The following RAI1 variants were observed in gnomAD, a reference collection of about 807,000 sequenced individuals.
RAI1 encodes the protein retinoic acid induced 1.
Under a neutral mutation model 123.8 loss-of-function variants are expected in RAI1, and 9 were observed. The ratio of observed to expected loss-of-function variants is 0.07; its 90% CI spans 0.04 to 0.13. RAI1 has a LOEUF of 0.13. Ranked by LOEUF, RAI1 falls within the 10% of genes least tolerant of loss-of-function variation. RAI1 has a pLI of 1.00. For synonymous variants in RAI1, 1,231 were observed against 1,127.3 expected, an observed-to-expected ratio of 1.09 and a Z score of -1.84; for missense variants, 2,256 against 2,545.8, an observed-to-expected ratio of 0.89 and a Z score of 2.45.
intron 2 of RAI1, among the ~76,000 whole-genome samples, chr17:17,732,294 G>C (rs1916296564): frequency 6.6e-6 from 1 of 152,216 alleles, no homozygotes; most frequent in Non-Finnish European, 1.5e-5. Context: ...AACTCAGAGA[G>C]AGGCTGTCTG....
At chr17:17,690,329 G>A (rs577412954) in intron 1 of RAI1, among the ~76,000 whole-genome samples, 2 of 151,528 alleles carry the variant, frequency 1.3e-5, no homozygotes, top group Non-Finnish European at 2.9e-5. Context: ...AGAGGTGGCA[G>A]TGAGCCAAGA....
In RAI1 at chr17:17,792,916, C is replaced by T; in HGVS notation, c.-16-17C>T. On this transcript the variant is annotated splice_polypyrimidine_tract_variant and intron_variant, in intron 2 of 5. Coordinates refer to ENST00000353383, the MANE Select transcript of RAI1 (RefSeq NM_030665.4). ...CCCTCCTTCCCTCCCTCCCTCCCTT[C>T]CTTTTTCTTTTCACAGATAACCAGC... 1 of 628,514 alleles carries T rather than the reference C, an allele frequency of 1.6e-6. No individual in the cohort carries two copies. Among genetic ancestry groups the T allele is most frequent in the Non-Finnish European group, 2.8e-6 (1 of 354,626 alleles). 38.9% of individuals were successfully genotyped at this position (628,514 alleles called of 1,614,324 possible).
chr17:17,792,911 C>T (rs2032073613), intron 2 of RAI1, 22 bp from the exon 3 acceptor site: 8 of 1,263,452 alleles, frequency 6.3e-6, no homozygotes, highest in East Asian at 2.4e-5. Context: ...CTCCCTCCCT[C>T]CCTTCCTTTT....
In RAI1 at chr17:17,809,706, C is replaced by T. The variant is rs998183393; in HGVS notation, c.5710-264C>T. 6.6e-6 allele frequency among the ~76,000 whole-genome samples: 1 copy of T among 152,132 alleles called. No individual in the cohort carries two copies. Among genetic ancestry groups the T allele is most frequent in the South Asian group, 2.1e-4 (1 of 4,836 alleles). On this transcript the variant is annotated intron_variant, in intron 5 of 5. Transcript: ENST00000353383. The surrounding 1 kb of genome is among the most constrained non-coding windows in gnomAD (Gnocchi z 4.9). Reference sequence around the variant, plus strand: ...GGCTGGAGGGCGTCCCTGGGACGGCCTCCCTGCAGCTCCCCAAGATAGGTG... The same window carrying T: ...GGCTGGAGGGCGTCCCTGGGACGGCTTCCCTGCAGCTCCCCAAGATAGGTG...
chr17:17,800,065 C>A lies in RAI1; in HGVS notation c.5565+1552C>A, dbSNP rs1225107606. Among the ~76,000 whole-genome samples, 2 of 152,200 alleles carry A rather than the reference C, an allele frequency of 1.3e-5. No homozygotes were observed. The highest frequency in any genetic ancestry group is 3.9e-4 in the East Asian group (2 of 5,188). On this transcript the variant is annotated intron_variant, in intron 3 of 5. Transcript: ENST00000353383. This position sits in a 1 kb window ranked among gnomAD's most constrained non-coding sequence, Gnocchi z 4.7. ...AAGGCTGGCCCCGACAGGACTCCTG[C>A]AGGTTCCTGGTGCCGCGGGCCTTGC...
chr17:17,742,280 C>T (rs1040915388), intron 2 of RAI1, among the ~76,000 whole-genome samples: 13 of 152,220 alleles, frequency 8.5e-5, no homozygotes, highest in African/African-American at 2.9e-4. Flanking sequence ...GTTCCAGGCT[C>T]ACCACAGACA....
At chr17:17,790,556 A>T (rs1598084502) in intron 2 of RAI1, among the ~76,000 whole-genome samples, 1 of 151,194 alleles carries the variant, frequency 6.6e-6, no homozygotes, top group Non-Finnish European at 1.5e-5. Context: ...TGGTAATAGC[A>T]CCCCCTCACT....
chr17:17,802,897 G>A (rs976006247), intron 3 of RAI1, among the ~76,000 whole-genome samples: 4 of 151,670 alleles, frequency 2.6e-5, no homozygotes, highest in African/African-American at 7.3e-5. Flanking sequence ...CAGCCTGGCC[G>A]ACACAGTGAA....
Position 17,810,508 on chromosome 17 carries a change from G to T in RAI1, c.*527G>T. On this transcript the variant is annotated 3_prime_UTR_variant, in exon 6 of 6. Transcript: ENST00000353383. This position sits in a 1 kb window ranked among gnomAD's most constrained non-coding sequence, Gnocchi z 4.6. ...TCCGTGGACTAGGCGGGGGAGAAAG[G>T]AAGCCTTTCTGAGAGCGGGCTAGGC... is the stretch of plus-strand genomic sequence containing the variant. 3.7e-6 allele frequency: 1 copy of T among 267,902 alleles called. No homozygotes were observed. Among genetic ancestry groups the T allele is most frequent in the Non-Finnish European group, 7.5e-6 (1 of 133,938 alleles). The allele number at this position is 267,902 out of a possible 1,614,324, so 16.6% of individuals were successfully genotyped here. A position where few individuals can be genotyped will look rare whatever the true frequency, so the allele number is the denominator to read the frequency against.
chr17:17,788,004 C>G (rs2031885933), intron 2 of RAI1, among the ~76,000 whole-genome samples: 1 of 152,194 alleles, frequency 6.6e-6, no homozygotes, highest in Admixed American at 6.5e-5. Flanking sequence ...CAGGGCTCCC[C>G]CAACCTCAAC....
At chr17:17,786,495 A>G (rs2031831823) in intron 2 of RAI1, among the ~76,000 whole-genome samples, 1 of 152,152 alleles carries the variant, frequency 6.6e-6, no homozygotes, top group Non-Finnish European at 1.5e-5. Flanking sequence ...TGGGGGTGCA[A>G]GGGGTGCTGT....
intron 1 of RAI1, among the ~76,000 whole-genome samples, chr17:17,704,053 C>T (rs575700724): frequency 5.3e-5 from 8 of 152,286 alleles, no homozygotes; most frequent in South Asian, 4.1e-4. Flanking sequence ...GCAGTCAGGG[C>T]GGCAGGCTTG....
In RAI1 at chr17:17,797,276, C is replaced by A; in HGVS notation, c.4328C>A (p.Ala1443Glu). 1 of 1,613,050 alleles carries A rather than the reference C, an allele frequency of 6.2e-7. No individual in the cohort carries two copies. The highest frequency in any genetic ancestry group is 8.5e-7 in the Non-Finnish European group (1 of 1,180,024). Reference sequence around the variant, plus strand: ...CTGCAGCCTGGGGGGACTGCCCTGGCGCCTAAGAAGAGGAGCCGGAAAGGC... The same window carrying A: ...CTGCAGCCTGGGGGGACTGCCCTGGAGCCTAAGAAGAGGAGCCGGAAAGGC... ...EALQPGGTAL[A>E]PKKRSRKGRA... Residue 1443 changes from alanine to glutamate, a missense_variant, in exon 3 of 6, where the codon GCG becomes GAG. Physicochemically the swap from Ala to Glu is moderately radical, Grantham distance 107. Coordinates refer to ENST00000353383, the MANE Select transcript of RAI1 (RefSeq NM_030665.4).
chr17:17,809,403 C>A lies in RAI1; in HGVS notation c.5673C>A (p.Ile1891=). Residue 1891 remains isoleucine, a synonymous_variant, in exon 5 of 6, where the codon ATC becomes ATA. Coordinates refer to ENST00000353383, the MANE Select transcript of RAI1 (RefSeq NM_030665.4). The surrounding 1 kb of genome is among the most constrained non-coding windows in gnomAD (Gnocchi z 4.9). ...PCASDAGCIF[I]EENFSLKCPK... is the part of the protein sequence containing the mutation. ...CTTTGGTCACAGGTTGCATATTCAT[C>A]GAAGAGAACTTTTCTTTGAAATGTC... 1 of 1,609,520 alleles carries A rather than the reference C, an allele frequency of 6.2e-7. No homozygotes were observed. The highest frequency in any genetic ancestry group is 8.5e-7 in the Non-Finnish European group (1 of 1,175,966).
rs573094837 is a variant in RAI1 at position 17,727,229 on chromosome 17, C to G, written c.-17+3070C>G. On this transcript the variant is annotated intron_variant, in intron 2 of 5. Coordinates refer to ENST00000353383, the MANE Select transcript of RAI1 (RefSeq NM_030665.4). ...ACCTTCCATCAGAGCCGAAAAGAGC[C>G]TTGGCAATGAATCACCTATCTGACC... Among the ~76,000 whole-genome samples the G allele has an allele frequency of 2.1e-3, 318 of 152,326 alleles. 5 individuals are homozygous for G. The South Asian group carries it at 0.044, about 21-fold the overall frequency.
intron 2 of RAI1, among the ~76,000 whole-genome samples, chr17:17,735,520 AT>A (rs905728024): frequency 6.9e-6 from 1 of 145,396 alleles, no homozygotes. Context: ...CGCCCGGCTG[AT>A]TTTTTTTGTA....
At chr17:17,719,814 T>C (rs1237175872) in intron 1 of RAI1, among the ~76,000 whole-genome samples, 3 of 152,176 alleles carry the variant, frequency 2.0e-5, no homozygotes, top group Non-Finnish European at 2.9e-5. Flanking sequence ...TGGACCTCAG[T>C]GATCCAGTCT....
At chr17:17,766,845 G>A (rs528573324) in intron 2 of RAI1, among the ~76,000 whole-genome samples, 3 of 152,340 alleles carry the variant, frequency 2.0e-5, no homozygotes, top group East Asian at 1.9e-4. Flanking sequence ...AGAGCACTGC[G>A]GGTGCTGGAG....
chr17:17,718,608 C>T (rs1028431097), intron 1 of RAI1, among the ~76,000 whole-genome samples: 4 of 152,112 alleles, frequency 2.6e-5, no homozygotes, highest in East Asian at 1.9e-4. Flanking sequence ...GTTCCATAAA[C>T]GTATACCAAA....
Sources: gnomAD v4.1 joint callset for allele counts (sites outside exome capture counted in the v4.1 genomes callset) on GRCh38, gnomAD v4.1.1 for gene constraint, Gnocchi (gnomAD v3.1) non-coding constraint, MANE v1.5 for transcripts, NCBI Gene and HGNC (gene_info 2026-07-23, HGNC 2026-07-21) for gene names.